USP36: variants seen among roughly 807,000 people sequenced by gnomAD.
The protein encoded by USP36 is ubiquitin carboxyl-terminal hydrolase 36.
A neutral mutation model predicts 111.5 loss-of-function variants in USP36; 59 were observed. That is an observed-to-expected ratio of 0.53 (90% CI 0.43 to 0.66). USP36 has a LOEUF of 0.66. Among genes scored for constraint, USP36 ranks in the 30% least tolerant of loss-of-function variants. The pLI is 0.00. For missense variants in USP36, 1,488 were observed against 1,468.0 expected (o/e 1.01, Z -0.22); for synonymous variants, 628 against 581.0 (o/e 1.08, Z -1.16).
At chr17:78,824,214 C>G (rs1213147159) in intron 6 of USP36, among the ~76,000 whole-genome samples, 1 of 152,142 alleles carries the variant, frequency 6.6e-6, no homozygotes, top group East Asian at 1.9e-4. Context: ...TAACCATAAC[C>G]CAAGGCTGGG....
At chr17:78,835,160 A>T in intron 4 of USP36, 120 bp downstream of exon 4, 1 of 1,030,206 alleles carries the variant, frequency 9.7e-7, no homozygotes, top group Non-Finnish European at 1.4e-6. Context: ...ATCAGTTACT[A>T]TACATTATGA....
chr17:78,832,121 C>T (rs1169197778), intron 4 of USP36, among the ~76,000 whole-genome samples: 6 of 152,120 alleles, frequency 3.9e-5, no homozygotes, highest in Admixed American at 2.6e-4. Context: ...CATGACTACA[C>T]GGACATAGAG....
rs150976064 is a variant in USP36 at position 78,807,406 on chromosome 17, G to A, written c.1638C>T (p.Ser546=). 1.2e-5 allele frequency: 20 copies of A among 1,614,174 alleles called. No individual in the cohort carries two copies. Among genetic ancestry groups the A allele is most frequent in the East Asian group, 8.9e-5 (4 of 44,890 alleles). ...CAGGCAGCCCCTGAGCAGTTCTGGG[G>A]GAAAAGTGCTGTGGAGGAGCTGGCT... ...VKKPAPPQHF[S]PRTAQGLPGT... is the part of the protein sequence containing the mutation. Residue 546 remains serine (S), a synonymous_variant, in exon 14 of 21, where the codon TCC becomes TCT. Coordinates refer to ENST00000449938, the MANE Select transcript of USP36 (RefSeq NM_001385174.1).
intron 6 of USP36, 125 bp from the exon 7 acceptor site, chr17:78,822,129 C>G (rs533579308): frequency 2.5e-4 from 259 of 1,035,802 alleles, no homozygotes; most frequent in Non-Finnish European, 3.0e-4. Context: ...CTCCACCCCC[C>G]ACCCGAGTCA....
chr17:78,807,240 T>C lies in USP36; in HGVS notation c.1804A>G (p.Ser602Gly), dbSNP rs777775978. The stretch of plus-strand genomic sequence containing the variant: ...GAGCCCCTCCTGTCGAGGCCAGCGC[T>C]CTCGTCGTTCCCCTTCAGCCCATGC... The part of the protein sequence containing the change: ...NGHGLKGNDE[S>G]AGLDRRGSSS... The change falls in exon 14 of 21, where the codon AGC becomes GGC. Residue 602 changes from serine (S) to glycine (G), a missense_variant. Coordinates refer to ENST00000449938, the MANE Select transcript of USP36 (RefSeq NM_001385174.1). 1 of 1,614,072 alleles carries C rather than the reference T, an allele frequency of 6.2e-7. No homozygotes were observed. The highest frequency in any genetic ancestry group is 8.5e-7 in the Non-Finnish European group (1 of 1,179,996).
chr17:78,827,585 A>C (rs2067681837), intron 5 of USP36, among the ~76,000 whole-genome samples: 1 of 152,186 alleles, frequency 6.6e-6, no homozygotes, highest in Non-Finnish European at 1.5e-5. Flanking sequence ...TGCACAGACA[A>C]GGAAGAACAC....
rs780783772 is a variant in USP36, at chr17:78,820,892, A to G, written c.828+99T>C. On this transcript the variant is annotated intron_variant, in intron 8 of 20. Transcript: ENST00000449938. ...CAGGGAGCAAAGGAGTTTTCTCCCT[A>G]TCTATTTTGATCTGATGCCTTTACT... The G allele has an allele frequency of 5.9e-5, 76 of 1,290,524 alleles. No individual in the cohort carries two copies. In the Admixed American group the frequency reaches 8.3e-4, roughly 14 times the overall value. 79.9% of individuals were successfully genotyped at this position (1,290,524 alleles called of 1,614,324 possible). A position where few individuals can be genotyped will look rare whatever the true frequency, so the allele number is the denominator to read the frequency against.
chr17:78,789,220 AGG>A (rs1386081179), intron 3 of USP36, among the ~76,000 whole-genome samples: 3 of 146,084 alleles, frequency 2.1e-5, no homozygotes, highest in Admixed American at 6.8e-5. Flanking sequence ...AAAAAAAAAA[AGG>A]AGATGAGGTT....
At chr17:78,809,513 C>G (rs1389106954) in intron 13 of USP36, among the ~76,000 whole-genome samples, 1 of 152,084 alleles carries the variant, frequency 6.6e-6, no homozygotes, top group Non-Finnish European at 1.5e-5. Context: ...AATGAAAATG[C>G]TCATGGTCAG....
At chr17:78,808,447 T>C in intron 13 of USP36, among the ~76,000 whole-genome samples, 1 of 152,154 alleles carries the variant, frequency 6.6e-6, no homozygotes, top group East Asian at 1.9e-4. Context: ...ATGGGGATCT[T>C]GCTATGTTGC....
At chr17:78,829,275 A>G (rs60591019) in intron 4 of USP36, among the ~76,000 whole-genome samples, 10,153 of 152,200 alleles carry the variant, frequency 0.067, 1,074 homozygotes, top group African/African-American at 0.23. Context: ...ATCACCCCAC[A>G]TTAATGCTGA....
At chr17:78,832,483 AG>A (rs1457671204) in intron 4 of USP36, among the ~76,000 whole-genome samples, 11 of 152,260 alleles carry the variant, frequency 7.2e-5, no homozygotes, top group Non-Finnish European at 1.2e-4. Flanking sequence ...CGGTATTGGA[AG>A]GAAGACCAGG....
At chr17:78,807,953 C>G (rs1422973695) in intron 13 of USP36, among the ~76,000 whole-genome samples, 1 of 152,132 alleles carries the variant, frequency 6.6e-6, no homozygotes, top group Non-Finnish European at 1.5e-5. Flanking sequence ...GTCCACCTGC[C>G]TCAGCCTCCA....
intron 4 of USP36, among the ~76,000 whole-genome samples, chr17:78,832,140 G>A (rs1490306088): frequency 6.6e-6 from 1 of 152,198 alleles, no homozygotes; most frequent in Non-Finnish European, 1.5e-5. Context: ...AGAGATTTGG[G>A]AAACAAAAGG....
chr17:78,805,660 G>GC (rs2093878646), intron 15 of USP36, among the ~76,000 whole-genome samples: 1 of 152,226 alleles, frequency 6.6e-6, no homozygotes, highest in Non-Finnish European at 1.5e-5. Flanking sequence ...CAGGGAAGGG[G>GC]CTGCATCTCT....
downstream of USP36, chr17:78,792,131 G>A (rs1325195966): frequency 6.6e-6 from 1 of 152,408 alleles, no homozygotes; most frequent in Non-Finnish European, 1.5e-5. Flanking sequence ...GAGAAGTGAT[G>A]ATGGCAGAAG....
At chr17:78,804,690 AT>A (rs34810096) in intron 15 of USP36, among the ~76,000 whole-genome samples, 8,122 of 143,780 alleles carry the variant, frequency 0.056, 404 homozygotes, top group South Asian at 0.15. Context: ...CAAAAAAAAA[AT>A]TTTTTTTTTT....
In USP36 at chr17:78,807,256, C is replaced by T. The variant is rs1279106964; in HGVS notation, c.1788G>A (p.Leu596=). ...LATATANGHG[L]KGNDESAGLD... ...GGCCAGCGCTCTCGTCGTTCCCCTT[C>T]AGCCCATGCCCGTTGGCAGTGGCTG... is the stretch of plus-strand genomic sequence containing the variant. Residue 596 remains leucine, a synonymous_variant, in exon 14 of 21, where the codon CTG becomes CTA. Coordinates refer to ENST00000449938, the MANE Select transcript of USP36 (RefSeq NM_001385174.1). The T allele has an allele frequency of 8.7e-6, 14 of 1,614,148 alleles. No homozygotes were observed. The highest frequency in any genetic ancestry group is 1.2e-5 in the Non-Finnish European group (14 of 1,180,012).
chr17:78,840,249 C>A (rs34691953), intron 1 of USP36: 2 of 152,586 alleles, frequency 1.3e-5, no homozygotes, highest in African/African-American at 4.8e-5. Context: ...CCCACGCCAC[C>A]CGCCAGAAGC....
Sources: allele counts gnomAD v4.1 joint callset (sites outside exome capture counted in the v4.1 genomes callset), GRCh38; gene constraint gnomAD v4.1.1; transcripts MANE v1.5; gene names NCBI Gene and HGNC (gene_info 2026-07-23, HGNC 2026-07-21).